FMN1: variants seen among roughly 807,000 people sequenced by gnomAD.
FMN1 encodes formin 1.
Under a neutral mutation model 132.4 loss-of-function variants are expected in FMN1, and 110 were observed. The ratio of observed to expected loss-of-function variants is 0.83; its 90% confidence interval spans 0.71 to 0.97. FMN1 has a LOEUF of 0.97. Among genes scored for constraint, FMN1 ranks in the 50% least tolerant of loss-of-function variants. The pLI, the probability that FMN1 is intolerant of heterozygous loss-of-function variation, is 0.00. For synonymous variants in FMN1, 722 were observed against 651.7 expected (o/e 1.11, Z -1.64); for missense variants, 1,792 against 1,705.3 (o/e 1.05, Z -0.90).
intron 19 of FMN1, among the ~76,000 whole-genome samples, chr15:32,788,224 C>T (rs544677562): frequency 2.5e-4 from 38 of 152,246 alleles, no homozygotes; most frequent in Non-Finnish European, 4.4e-4. Context: ...GTAGACATAA[C>T]ACCCAGAGCC....
Position 32,964,016 on chromosome 15 carries a change from T to TATACACACAC in FMN1, c.3138+90_3138+91insGTGTGTGTAT, listed in dbSNP as rs1555505892. ...GGTATGTGTGTGTGTGTATATACGA[T>TATACACACAC]ACACACACACACACACACACACACA... On this transcript the variant is annotated intron_variant, in intron 9 of 20. Coordinates refer to ENST00000616417, the MANE Select transcript of FMN1 (RefSeq NM_001277313.2). The TATACACACAC allele has an allele frequency of 2.9e-3, 1,498 of 508,194 alleles. 1 individual carries two copies. Among genetic ancestry groups the TATACACACAC allele is most frequent in the African/African-American group, 0.011 (550 of 48,288 alleles). 31.5% of individuals were successfully genotyped at this position (508,194 alleles called of 1,614,324 possible).
At chr15:32,962,076 T>G (rs1333270159) in intron 9 of FMN1, among the ~76,000 whole-genome samples, 4 of 152,094 alleles carry the variant, frequency 2.6e-5, no homozygotes, top group African/African-American at 9.7e-5. Flanking sequence ...TGTTTAGTGT[T>G]TGTTAATATA....
intron 17 of FMN1, among the ~76,000 whole-genome samples, chr15:32,805,269 C>A (rs968392914): frequency 3.9e-5 from 6 of 152,196 alleles, no homozygotes; most frequent in Non-Finnish European, 7.3e-5. Context: ...TGATGATGAG[C>A]ATTTTTTCAT....
intron 7 of FMN1, among the ~76,000 whole-genome samples, chr15:32,979,570 A>G (rs2032486618): frequency 6.6e-6 from 1 of 151,458 alleles, no homozygotes; most frequent in South Asian, 2.1e-4. Flanking sequence ...AAAAAAAAAA[A>G]AAAAAAAAAG....
chr15:33,017,995 G>A (rs557108155), intron 6 of FMN1, among the ~76,000 whole-genome samples: 3 of 151,006 alleles, frequency 2.0e-5, no homozygotes, highest in African/African-American at 4.9e-5. Flanking sequence ...AACCCAGGAG[G>A]TGGAGGTTGC....
intron 9 of FMN1, among the ~76,000 whole-genome samples, chr15:32,927,719 A>AT (rs1246861076): frequency 6.6e-6 from 1 of 152,210 alleles, no homozygotes; most frequent in Non-Finnish European, 1.5e-5. Flanking sequence ...CCCTGGTAAC[A>AT]TATCACGAAG....
At chr15:32,785,190 G>C (rs868209657) in intron 19 of FMN1, among the ~76,000 whole-genome samples, 1 of 25,222 alleles carries the variant, frequency 4.0e-5, no homozygotes, top group South Asian at 1.5e-3. Context: ...GTGTGTGTGT[G>C]TGTGTGTGTG....
At chr15:33,080,147 C>T (rs759864713) in intron 5 of FMN1, among the ~76,000 whole-genome samples, 1 of 152,202 alleles carries the variant, frequency 6.6e-6, no homozygotes, top group African/African-American at 2.4e-5. Context: ...TTAAGCCATT[C>T]CTATGGCCTG....
intron 4 of FMN1, among the ~76,000 whole-genome samples, chr15:33,100,887 T>A (rs2039267769): frequency 6.6e-6 from 1 of 152,186 alleles, no homozygotes; most frequent in African/African-American, 2.4e-5. Context: ...TATAATTATT[T>A]AAAATCATGT....
At chr15:32,955,544 C>A (rs1350519750) in intron 9 of FMN1, among the ~76,000 whole-genome samples, 1 of 152,190 alleles carries the variant, frequency 6.6e-6, no homozygotes, top group East Asian at 1.9e-4. Context: ...TGTTGTCTAG[C>A]TCCAACCCCG....
rs150310333 is a variant in FMN1, at chr15:32,886,937, C to T, written c.3835+1235G>A. ...ACAGAAAATAACGACCGCAAGTTCA[C>T]ATATCGCATTTCTAAAGGAAGCATC... On this transcript the variant is annotated intron_variant, in intron 16 of 20. Transcript: ENST00000616417. Among the ~76,000 whole-genome samples the T allele has an allele frequency of 7.5e-3, 1,144 of 152,276 alleles. 17 individuals are homozygous for T. The highest frequency in any genetic ancestry group is 0.026 in the African/African-American group (1,079 of 41,544).
At chr15:33,166,936 T>G (rs1450099733) in intron 3 of FMN1, among the ~76,000 whole-genome samples, 1 of 152,206 alleles carries the variant, frequency 6.6e-6, no homozygotes, top group Non-Finnish European at 1.5e-5. Context: ...GACTCACCAC[T>G]GCTGTATGCC....
intron 19 of FMN1, among the ~76,000 whole-genome samples, chr15:32,790,305 T>G (rs1328293393): frequency 1.3e-5 from 2 of 152,206 alleles, no homozygotes; most frequent in African/African-American, 4.8e-5. Flanking sequence ...AAGTCAGGGT[T>G]GGAAGAGAAC....
chr15:33,062,836 AT>A (rs999582413), intron 6 of FMN1: 1 of 152,128 alleles, frequency 6.6e-6, no homozygotes, highest in African/African-American at 2.4e-5. Flanking sequence ...CTTATGAGAG[AT>A]TTTCTGAGAT....
chr15:33,097,736 C>T (rs746881697), intron 4 of FMN1, among the ~76,000 whole-genome samples: 7 of 152,118 alleles, frequency 4.6e-5, no homozygotes, highest in African/African-American at 7.2e-5. Flanking sequence ...ATTTGTACCT[C>T]GCATTAATAA....
At chr15:33,007,524 G>C (rs936811303) in intron 7 of FMN1, among the ~76,000 whole-genome samples, 1 of 152,000 alleles carries the variant, frequency 6.6e-6, no homozygotes, top group Non-Finnish European at 1.5e-5. Flanking sequence ...CAATTTCCCA[G>C]CACTCTCTGA....
At chr15:32,860,376 G>C (rs569029414) in intron 16 of FMN1, among the ~76,000 whole-genome samples, 1 of 152,176 alleles carries the variant, frequency 6.6e-6, no homozygotes, top group African/African-American at 2.4e-5. Flanking sequence ...ATGTTGGCTT[G>C]GCACAGTGGC....
rs1964613667 is a variant in FMN1 at position 33,154,978 on chromosome 15, G to T, written c.-64C>A. 5 of 1,350,106 alleles carry T rather than the reference G, an allele frequency of 3.7e-6. No individual in the cohort carries two copies. Among genetic ancestry groups the T allele is most frequent in the South Asian group, 1.5e-5 (1 of 68,542 alleles). The allele number at this position is 1,350,106 out of a possible 1,614,324, so 83.6% of individuals were successfully genotyped here. On this transcript the variant is annotated 5_prime_UTR_variant, in exon 4 of 21. It adds an upstream start codon to the 5' untranslated region. Transcript: ENST00000616417. ...TTGTGGTCAGGCTTCCCAGGCTCCA[G>T]TGGTGAGGCATGTGATGGTGGCTAT...
intron 3 of FMN1, among the ~76,000 whole-genome samples, chr15:33,164,576 C>T (rs1333942968): frequency 2.0e-5 from 3 of 152,168 alleles, no homozygotes; most frequent in Admixed American, 6.5e-5. Context: ...CTCTCAAAGA[C>T]GTCGAGGAAT....
Sources: allele counts gnomAD v4.1 joint callset (sites outside exome capture counted in the v4.1 genomes callset), GRCh38; gene constraint gnomAD v4.1.1; transcripts MANE v1.5; gene names NCBI Gene and HGNC (gene_info 2026-07-23, HGNC 2026-07-21).